Variants in EXD3 observed in about 807,000 individuals in gnomAD.
EXD3 encodes the protein exonuclease mut-7 homolog.
EXD3 carries 92 observed loss-of-function variants against 98.0 expected under a neutral mutation model. That is an observed-to-expected ratio of 0.94 (90% CI 0.79 to 1.12). EXD3 has a LOEUF of 1.12. Ranked by LOEUF, EXD3 falls within the 50% of genes most tolerant of loss-of-function variation. The pLI is 0.00. For missense variants in EXD3, 1,222 were observed against 1,191.6 expected (o/e 1.03, Z -0.38); for synonymous variants, 569 against 526.0 (o/e 1.08, Z -1.12).
chr9:137,327,429 G>A (rs753355406), intron 17 of EXD3, among the ~76,000 whole-genome samples: 5 of 152,118 alleles, frequency 3.3e-5, no homozygotes, highest in Admixed American at 6.6e-5. Context: ...CACCGCGCCC[G>A]GCCAGTATGG....
intron 17 of EXD3, among the ~76,000 whole-genome samples, chr9:137,332,636 G>A (rs549961152): frequency 6.6e-6 from 1 of 151,952 alleles, no homozygotes; most frequent in Non-Finnish European, 1.5e-5. Context: ...AAGGTCAGGA[G>A]ATCGAGACCA....
intron 7 of EXD3, chr9:137,357,219 G>C (rs1287269546): frequency 6.6e-6 from 1 of 152,170 alleles, no homozygotes. Flanking sequence ...TGCCCCACAG[G>C]GGGTCTCTCT....
intron 19 of EXD3, among the ~76,000 whole-genome samples, chr9:137,318,149 A>G (rs1237205137): frequency 6.6e-6 from 1 of 152,134 alleles, no homozygotes; most frequent in Non-Finnish European, 1.5e-5. Context: ...GGCAGGCTCC[A>G]GGTGCTGAGT....
intron 19 of EXD3, among the ~76,000 whole-genome samples, chr9:137,314,226 G>A (rs1564462918): frequency 6.6e-6 from 1 of 152,182 alleles, no homozygotes; most frequent in Non-Finnish European, 1.5e-5. Context: ...ACCTTCCCAC[G>A]CTGTCCCCAG....
chr9:137,365,297 G>A (rs569512140), intron 7 of EXD3: 6 of 152,312 alleles, frequency 3.9e-5, no homozygotes, highest in African/African-American at 1.2e-4. Flanking sequence ...ACGGCCTGAC[G>A]TCCAAGTCCA....
intron 1 of EXD3, among the ~76,000 whole-genome samples, chr9:137,411,630 C>T (rs1037148149): frequency 6.6e-6 from 1 of 151,184 alleles, no homozygotes; most frequent in Non-Finnish European, 1.5e-5. Flanking sequence ...CCGTCAGTCT[C>T]TCCATCGGTG....
chr9:137,354,458 C>G, intron 9 of EXD3, 81 bp from the exon 10 acceptor site: 1 of 1,595,604 alleles, frequency 6.3e-7, no homozygotes, highest in Non-Finnish European at 8.5e-7. Context: ...TTCCTCGACC[C>G]CTGGCAGGGT....
chr9:137,382,476 T>A (rs1836365513), intron 3 of EXD3, among the ~76,000 whole-genome samples: 1 of 151,444 alleles, frequency 6.6e-6, no homozygotes, highest in African/African-American at 2.4e-5. Flanking sequence ...CAGACGAAGG[T>A]CCGACAAGAG....
intron 1 of EXD3, among the ~76,000 whole-genome samples, chr9:137,411,190 T>C (rs992131414): frequency 3.9e-5 from 6 of 152,138 alleles, no homozygotes; most frequent in Middle Eastern, 3.4e-3. Context: ...ATGGAGTAGA[T>C]GATGCCGAAT....
Position 137,328,576 on chromosome 9 carries a change from C to G in EXD3, c.1999-4433G>C, listed in dbSNP as rs1189848094. 2.1e-5 allele frequency among the ~76,000 whole-genome samples: 3 copies of G among 143,602 alleles called. 1 individual carries two copies. The highest frequency in any genetic ancestry group is 5.3e-5 in the African/African-American group (2 of 37,522). 94.2% of individuals were successfully genotyped at this position (143,602 alleles called of 152,430 possible). On this transcript the variant is annotated intron_variant, in intron 17 of 21. Coordinates refer to ENST00000340951, the MANE Select transcript of EXD3 (RefSeq NM_017820.5). Reference sequence around the variant, plus strand: ...AAAGGGAAGAAACAGACTAGTTACACAGGAGCTACACGGGACTACACGGGA... The same window carrying G: ...AAAGGGAAGAAACAGACTAGTTACAGAGGAGCTACACGGGACTACACGGGA...
chr9:137,327,933 G>A, intron 17 of EXD3, among the ~76,000 whole-genome samples: 1 of 90,748 alleles, frequency 1.1e-5, no homozygotes, highest in East Asian at 3.6e-4. Context: ...CCCATATGCT[G>A]AGTAAAACAA....
chr9:137,395,391 C>T lies in EXD3; in HGVS notation c.-34G>A, dbSNP rs779935468. On this transcript the variant is annotated 5_prime_UTR_variant, in exon 2 of 22. Transcript: ENST00000340951. The surrounding 1 kb of genome is among the most constrained non-coding windows in gnomAD (Gnocchi z 6.5). Reference sequence around the variant, plus strand: ...CCGGGCCGAGGACGCTGGCAGGCAGCTAGGAACGAGGATCTGCAGAAACAG... The same window carrying T: ...CCGGGCCGAGGACGCTGGCAGGCAGTTAGGAACGAGGATCTGCAGAAACAG... 1.9e-6 allele frequency: 3 copies of T among 1,613,152 alleles called. No homozygotes were observed. The South Asian group carries it at 3.3e-5, about 18-fold the overall frequency.
At chr9:137,421,574 C>T (rs1470183759) in intron 1 of EXD3, among the ~76,000 whole-genome samples, 3 of 152,222 alleles carry the variant, frequency 2.0e-5, no homozygotes, top group African/African-American at 7.2e-5. Flanking sequence ...CAGAGGTTCA[C>T]ACCTATAACC....
At chr9:137,332,640 G>C (rs183260305) in intron 17 of EXD3, among the ~76,000 whole-genome samples, 1 of 152,026 alleles carries the variant, frequency 6.6e-6, no homozygotes, top group South Asian at 2.1e-4. Context: ...TCAGGAGATC[G>C]AGACCATCCT....
At position 137,405,494 on chromosome 9, in the gene EXD3, C is replaced by T. The variant is rs767498370; in HGVS notation, c.-47-10090G>A. Among the ~76,000 whole-genome samples, 3 of 152,216 alleles carry T rather than the reference C, an allele frequency of 2.0e-5. No individual in the cohort carries two copies. Among genetic ancestry groups the T allele is most frequent in the Non-Finnish European group, 2.9e-5 (2 of 68,032 alleles). ...CGCAGGCCACTCACCCGTCCCCAGC[C>T]ACTCACCCGTCCCCAGCATCCACAG... On this transcript the variant is annotated intron_variant, in intron 1 of 21. Coordinates refer to ENST00000340951, the MANE Select transcript of EXD3 (RefSeq NM_017820.5). This position sits in a 1 kb window ranked among gnomAD's most constrained non-coding sequence, Gnocchi z 4.1.
At chr9:137,342,887 C>T (rs1161291934) in intron 17 of EXD3, among the ~76,000 whole-genome samples, 4 of 152,108 alleles carry the variant, frequency 2.6e-5, no homozygotes, top group African/African-American at 7.2e-5. Flanking sequence ...TTTGGGAGGC[C>T]GAGGCAGGTG....
intron 1 of EXD3, among the ~76,000 whole-genome samples, chr9:137,417,119 G>A (rs1450684813): frequency 6.6e-6 from 1 of 152,216 alleles, no homozygotes; most frequent in Non-Finnish European, 1.5e-5. Flanking sequence ...AGCCGGGGCC[G>A]CGTTGCGGGG....
At position 137,356,353 on chromosome 9, in the gene EXD3, C is replaced by A; in HGVS notation, c.672G>T (p.Val224=). The part of the protein sequence containing the change: ...IKDVARRYPE[V]TSLSLEKLSP... Reference sequence around the variant, plus strand: ...TCAGCTTCTCCAGGCTCAAGGAGGTCACCTCAGGGTACCGTCTGTGGGGAG... The same window carrying A: ...TCAGCTTCTCCAGGCTCAAGGAGGTAACCTCAGGGTACCGTCTGTGGGGAG... Residue 224 remains valine (V), a synonymous_variant, in exon 8 of 22, where the codon GTG becomes GTT. Transcript: ENST00000340951. 6.2e-7 allele frequency: 1 copy of A among 1,601,718 alleles called. No homozygotes were observed. The highest frequency in any genetic ancestry group is 2.2e-5 in the East Asian group (1 of 44,484).
rs983468493 is a variant in EXD3 at position 137,371,287 on chromosome 9, T to C, written c.462+1618A>G. Among the ~76,000 whole-genome samples, 1 of 152,196 alleles carries C rather than the reference T, an allele frequency of 6.6e-6. No individual in the cohort carries two copies. The highest frequency in any genetic ancestry group is 2.4e-5 in the African/African-American group (1 of 41,454). On this transcript the variant is annotated intron_variant, in intron 5 of 21. Transcript: ENST00000340951. This position sits in a 1 kb window ranked among gnomAD's most constrained non-coding sequence, Gnocchi z 8.0. The stretch of plus-strand genomic sequence containing the variant: ...CATGAGGGGGACCCTCCATCCTGCA[T>C]TGTCCTGTGCCGGGACATGGTGGCT...
Sources: allele counts gnomAD v4.1 joint callset (sites outside exome capture counted in the v4.1 genomes callset), GRCh38; gene constraint gnomAD v4.1.1; non-coding constraint Gnocchi (gnomAD v3.1); transcripts MANE v1.5; gene names NCBI Gene and HGNC (gene_info 2026-07-23, HGNC 2026-07-21).